ADAM22: variants seen among roughly 807,000 people sequenced by gnomAD.
The protein encoded by ADAM22 is ADAM metallopeptidase domain 22.
In ADAM22, 65 loss-of-function variants were observed where a neutral mutation model predicts 144.6. That is an observed-to-expected ratio of 0.45 (90% CI 0.37 to 0.55). The LOEUF (loss-of-function observed/expected upper bound fraction) is 0.55, where lower values mean the gene tolerates loss of function less well. ADAM22 is among the 20% of genes least tolerant of loss of function. The pLI is 0.00. For missense variants in ADAM22, 974 were observed against 1,184.9 expected (o/e 0.82, Z 2.61); for synonymous variants, 391 against 412.6 (o/e 0.95, Z 0.63).
At chr7:88,165,697 G>A (rs1199310972) in intron 23 of ADAM22, 135 bp from the exon 24 acceptor site, 2 of 509,918 alleles carry the variant, frequency 3.9e-6, no homozygotes, top group East Asian at 3.4e-5. Context: ...AATGTAATTA[G>A]TATTAAGAAG....
chr7:87,987,101 T>C (rs1788661495), intron 3 of ADAM22, among the ~76,000 whole-genome samples: 2 of 152,202 alleles, frequency 1.3e-5, no homozygotes, highest in Admixed American at 1.3e-4. Flanking sequence ...TTTTGAGATT[T>C]TTACAGTGAT....
intron 3 of ADAM22, among the ~76,000 whole-genome samples, chr7:87,999,283 T>C (rs898515496): frequency 6.6e-6 from 1 of 152,314 alleles, no homozygotes; most frequent in South Asian, 2.1e-4. Context: ...AGATAACATT[T>C]ATGAAACAGT....
intron 4 of ADAM22, among the ~76,000 whole-genome samples, chr7:88,077,602 A>C (rs1173239897): frequency 6.6e-6 from 1 of 152,210 alleles, no homozygotes; most frequent in Admixed American, 6.5e-5. Context: ...AGTCAAAGAA[A>C]GGGGTGACAG....
At chr7:88,108,405 A>G (rs977187566) in intron 5 of ADAM22, 147 bp downstream of exon 5, 5 of 706,304 alleles carry the variant, frequency 7.1e-6, no homozygotes, top group African/African-American at 5.5e-5. Context: ...TCTCTTTTGT[A>G]TTTTATAAAC....
chr7:88,016,854 A>G (rs961116828), intron 3 of ADAM22, among the ~76,000 whole-genome samples: 2 of 152,204 alleles, frequency 1.3e-5, no homozygotes, highest in Non-Finnish European at 2.9e-5. Flanking sequence ...ATAGTGGTTC[A>G]TGTCTGTAAT....
At chr7:88,101,677 A>C (rs1190892368) in intron 4 of ADAM22, among the ~76,000 whole-genome samples, 1 of 152,002 alleles carries the variant, frequency 6.6e-6, no homozygotes. Flanking sequence ...GATAAAGCCA[A>C]CTCTTTTTTG....
At chr7:87,952,466 C>G (rs1845492905) in intron 2 of ADAM22, among the ~76,000 whole-genome samples, 1 of 152,064 alleles carries the variant, frequency 6.6e-6, no homozygotes, top group African/African-American at 2.4e-5. Flanking sequence ...ATATATTGAA[C>G]CAGCCTTGCA....
At chr7:87,966,086 G>A (rs1848987681) in intron 2 of ADAM22, among the ~76,000 whole-genome samples, 1 of 152,164 alleles carries the variant, frequency 6.6e-6, no homozygotes, top group Admixed American at 6.5e-5. Context: ...TGCATATGGG[G>A]AAAAACAAGA....
chr7:88,032,449 A>G (rs1276834129), intron 3 of ADAM22, among the ~76,000 whole-genome samples: 1 of 152,186 alleles, frequency 6.6e-6, no homozygotes, highest in Non-Finnish European at 1.5e-5. Flanking sequence ...CCCAATGCCT[A>G]TACCTCCATT....
At chr7:88,004,372 T>C (rs1793297404) in intron 3 of ADAM22, among the ~76,000 whole-genome samples, 1 of 152,240 alleles carries the variant, frequency 6.6e-6, no homozygotes, top group South Asian at 2.1e-4. Flanking sequence ...GGTCAGATTA[T>C]TACCTTTGAG....
At chr7:88,056,439 G>A (rs1276259781) in intron 3 of ADAM22, among the ~76,000 whole-genome samples, 1 of 152,136 alleles carries the variant, frequency 6.6e-6, no homozygotes, top group Non-Finnish European at 1.5e-5. Context: ...TTACCATTAT[G>A]CGTTGATTTC....
At chr7:88,030,125 T>G (rs982695712) in intron 3 of ADAM22, among the ~76,000 whole-genome samples, 1 of 152,148 alleles carries the variant, frequency 6.6e-6, no homozygotes, top group Non-Finnish European at 1.5e-5. Context: ...CCTTTGAGGT[T>G]GTTTTCTAGA....
intron 7 of ADAM22, 70 bp downstream of exon 7, chr7:88,116,884 A>C (rs1827891480): frequency 8.5e-7 from 1 of 1,174,502 alleles, no homozygotes; most frequent in Admixed American, 1.9e-5. Context: ...CCTTAGAACT[A>C]ATCTATATTT....
intron 3 of ADAM22, among the ~76,000 whole-genome samples, chr7:88,019,870 TGTG>T (rs1797373455): frequency 2.2e-5 from 3 of 137,686 alleles, no homozygotes; most frequent in African/African-American, 3.3e-5. Flanking sequence ...TGTGTGTGTG[TGTG>T]TGTGTGTGTG....
chr7:88,066,654 A>G (rs767811600), intron 3 of ADAM22, among the ~76,000 whole-genome samples: 9 of 152,162 alleles, frequency 5.9e-5, no homozygotes, highest in Non-Finnish European at 1.0e-4. Flanking sequence ...GAGAGTGTCA[A>G]AAGAAAAGAG....
chr7:88,008,803 G>A (rs562162113), intron 3 of ADAM22, among the ~76,000 whole-genome samples: 482 of 151,694 alleles, frequency 3.2e-3, no homozygotes, highest in African/African-American at 0.011. Flanking sequence ...GCTAAATGAC[G>A]AGTTAATGGG....
chr7:88,163,960 G>C (rs576668223), intron 23 of ADAM22, among the ~76,000 whole-genome samples: 1 of 152,060 alleles, frequency 6.6e-6, no homozygotes, highest in South Asian at 2.1e-4. Context: ...TAAGATAAAG[G>C]ATCCCTGTTT....
intron 3 of ADAM22, among the ~76,000 whole-genome samples, chr7:88,033,951 C>T (rs184242278): frequency 6.6e-6 from 1 of 152,022 alleles, no homozygotes; most frequent in African/African-American, 2.4e-5. Context: ...AGTGAGCTCC[C>T]CTCTGGCCCA....
chr7:88,031,901 A>C (rs1195126159), intron 3 of ADAM22, among the ~76,000 whole-genome samples: 1 of 152,248 alleles, frequency 6.6e-6, no homozygotes, highest in Non-Finnish European at 1.5e-5. Flanking sequence ...AGAGGGTGCA[A>C]GCTGGAGCTG....
Sources: gnomAD v4.1 joint callset for allele counts (sites outside exome capture counted in the v4.1 genomes callset) on GRCh38, gnomAD v4.1.1 for gene constraint, MANE v1.5 for transcripts, NCBI Gene and HGNC (gene_info 2026-07-23, HGNC 2026-07-21) for gene names.